Variants in TAFA4 observed in about 807,000 individuals in gnomAD.
TAFA4 encodes the protein TAFA chemokine like family member 4.
TAFA4 carries 20 observed loss-of-function variants against 21.1 expected under a neutral mutation model. That is an observed-to-expected ratio of 0.95 (90% confidence interval 0.67 to 1.38). The LOEUF is 1.38. TAFA4 is among the 40% of genes most tolerant of loss of function. TAFA4 has a pLI of 0.00. For missense variants in TAFA4, 211 were observed against 180.9 expected (o/e 1.17, Z -0.95); for synonymous variants, 71 against 67.4 (o/e 1.05, Z -0.26).
At chr3:68,836,393 G>T (rs78541607) in intron 3 of TAFA4, among the ~76,000 whole-genome samples, 2,611 of 152,284 alleles carry the variant, frequency 0.017, 74 homozygotes, top group African/African-American at 0.06. Context: ...CCCTACAAAT[G>T]GTACTTATCA....
At chr3:68,793,346 T>C (rs1377959537) in intron 3 of TAFA4, among the ~76,000 whole-genome samples, 1 of 152,214 alleles carries the variant, frequency 6.6e-6, no homozygotes, top group African/African-American at 2.4e-5. Context: ...CAGACGGCTA[T>C]TGCTCTATTG....
intron 3 of TAFA4, among the ~76,000 whole-genome samples, chr3:68,859,944 C>G (rs1250893923): frequency 6.6e-6 from 1 of 152,142 alleles, no homozygotes; most frequent in Admixed American, 6.5e-5. Context: ...GTTCAACTCT[C>G]AGTAACATGT....
At position 68,927,078 on chromosome 3, in the gene TAFA4, C is replaced by G. The variant is rs1196004427; in HGVS notation, c.-123+5162G>C. 3.9e-5 allele frequency among the ~76,000 whole-genome samples: 6 copies of G among 152,136 alleles called. No individual in the cohort carries two copies. In the East Asian group the frequency reaches 1.2e-3, roughly 29 times the overall value. ...TCAAAAAAATGTCTCCAGACATTGC[C>G]AAAACTCCTCTGGGGAGCAAAATTG... is the stretch of plus-strand genomic sequence containing the variant. On this transcript the variant is annotated intron_variant, in intron 1 of 5. Coordinates refer to ENST00000295569, the MANE Select transcript of TAFA4 (RefSeq NM_182522.5).
intron 3 of TAFA4, among the ~76,000 whole-genome samples, chr3:68,879,854 G>T (rs962403483): frequency 6.6e-6 from 1 of 152,122 alleles, no homozygotes; most frequent in South Asian, 2.1e-4. Context: ...TGACCCATAC[G>T]TGATTTAGGG....
intron 3 of TAFA4, among the ~76,000 whole-genome samples, chr3:68,783,661 G>GAC (rs10533885): frequency 9.3e-6 from 1 of 107,534 alleles, no homozygotes; most frequent in African/African-American, 4.0e-5. Flanking sequence ...AAAAATCACA[G>GAC]ACACACACAC....
chr3:68,748,621 G>C (rs978683275), intron 4 of TAFA4, among the ~76,000 whole-genome samples: 2 of 152,100 alleles, frequency 1.3e-5, no homozygotes. Context: ...GCACGCACCT[G>C]TAGTCCCAGC....
At chr3:68,913,431 T>A (rs1047905988) in intron 1 of TAFA4, among the ~76,000 whole-genome samples, 2 of 151,964 alleles carry the variant, frequency 1.3e-5, no homozygotes, top group African/African-American at 4.8e-5. Flanking sequence ...AAGCTGGCCA[T>A]CAGGGAACAG....
intron 3 of TAFA4, among the ~76,000 whole-genome samples, chr3:68,872,659 G>A (rs1382353257): frequency 2.6e-5 from 4 of 152,028 alleles, no homozygotes; most frequent in Non-Finnish European, 5.9e-5. Flanking sequence ...AATATCACAT[G>A]TACCCCAAAG....
intron 3 of TAFA4, among the ~76,000 whole-genome samples, chr3:68,826,217 C>T (rs1228145081): frequency 6.6e-6 from 1 of 152,160 alleles, no homozygotes; most frequent in Non-Finnish European, 1.5e-5. Context: ...TCTGCCACTA[C>T]CTATGTAACC....
chr3:68,766,477 A>C (rs1300801752), intron 3 of TAFA4, among the ~76,000 whole-genome samples: 1 of 152,174 alleles, frequency 6.6e-6, no homozygotes, highest in African/African-American at 2.4e-5. Flanking sequence ...TACAAATGCT[A>C]TGATAAAAAA....
At chr3:68,796,193 G>T (rs1278851846) in intron 3 of TAFA4, among the ~76,000 whole-genome samples, 1 of 152,142 alleles carries the variant, frequency 6.6e-6, no homozygotes, top group Non-Finnish European at 1.5e-5. Context: ...TAAACCACTT[G>T]CTGGTTGCAG....
intron 4 of TAFA4, among the ~76,000 whole-genome samples, chr3:68,745,363 T>TA (rs1702438789): frequency 6.6e-6 from 1 of 152,204 alleles, no homozygotes; most frequent in Non-Finnish European, 1.5e-5. Flanking sequence ...TTTTTCCTGT[T>TA]ACAAAATATC....
chr3:68,834,629 C>A (rs1704479077), intron 3 of TAFA4, among the ~76,000 whole-genome samples: 2 of 152,036 alleles, frequency 1.3e-5, no homozygotes, highest in South Asian at 4.2e-4. Flanking sequence ...CCTCTTTCAC[C>A]TCCCACACCT....
Position 68,739,152 on chromosome 3 carries a change from C to G in TAFA4, c.334G>C (p.Glu112Gln), listed in dbSNP as rs1192435671. The G allele has an allele frequency of 6.2e-7, 1 of 1,613,980 alleles. No individual in the cohort carries two copies. The change falls in exon 5 of 6, where the codon GAA (glutamate) becomes CAA (glutamine). Residue 112 changes from glutamate to glutamine, a missense_variant. Coordinates refer to ENST00000295569, the MANE Select transcript of TAFA4 (RefSeq NM_182522.5). ...KWWCHMNPCL[E>Q]GEDCKVLPDY... is the part of the protein sequence containing the mutation. ...GGCAGCACTTTACAATCCTCTCCTTCCAAACACGGATTCATGTGACACCAC... is the reference window on the plus strand; with the variant it reads ...GGCAGCACTTTACAATCCTCTCCTTGCAAACACGGATTCATGTGACACCAC...
At chr3:68,806,739 G>A (rs998740873) in intron 3 of TAFA4, among the ~76,000 whole-genome samples, 5 of 152,058 alleles carry the variant, frequency 3.3e-5, no homozygotes, top group African/African-American at 1.2e-4. Context: ...TGCCCTTATA[G>A]GAGTCATGAT....
chr3:68,886,300 C>T (rs566138164), intron 1 of TAFA4, among the ~76,000 whole-genome samples: 5 of 152,058 alleles, frequency 3.3e-5, no homozygotes, highest in South Asian at 4.1e-4. Flanking sequence ...AGAGTATGGG[C>T]CTTGAGTAAT....
intron 3 of TAFA4, among the ~76,000 whole-genome samples, chr3:68,850,851 T>C (rs1186734363): frequency 6.6e-6 from 1 of 152,144 alleles, no homozygotes; most frequent in Non-Finnish European, 1.5e-5. Flanking sequence ...TCTCTGATGA[T>C]AGTTTCTTTT....
chr3:68,909,625 G>A (rs2089938163), intron 1 of TAFA4, among the ~76,000 whole-genome samples: 1 of 152,156 alleles, frequency 6.6e-6, no homozygotes, highest in South Asian at 2.1e-4. Context: ...TCCACCAAAA[G>A]GTAGCTGGAC....
chr3:68,837,921 T>C (rs1281466150), intron 3 of TAFA4, among the ~76,000 whole-genome samples: 8 of 152,158 alleles, frequency 5.3e-5, no homozygotes, highest in African/African-American at 1.9e-4. Flanking sequence ...ATCTATGGTA[T>C]ACAACATTAT....
Sources: gnomAD v4.1 joint callset for allele counts (sites outside exome capture counted in the v4.1 genomes callset) on GRCh38, gnomAD v4.1.1 for gene constraint, MANE v1.5 for transcripts, NCBI Gene and HGNC (gene_info 2026-07-23, HGNC 2026-07-21) for gene names.